The following CCSER1 variants were observed in gnomAD, a reference collection of about 807,000 sequenced individuals.
The protein encoded by CCSER1 is coiled-coil serine rich protein 1, also known as serine-rich coiled-coil domain-containing protein 1.
CCSER1 carries 41 observed loss-of-function variants against 82.0 expected under a neutral mutation model. The observed-to-expected ratio is 0.50, with a 90% CI of 0.39 to 0.65. The LOEUF (loss-of-function observed/expected upper bound fraction) is 0.65. Ranked by LOEUF, CCSER1 falls within the 30% of genes least tolerant of loss-of-function variation. CCSER1 has a pLI of 0.00. For synonymous variants in CCSER1, 414 were observed against 383.9 expected (o/e 1.08, Z -0.92); for missense variants, 1,119 against 1,064.2 (o/e 1.05, Z -0.72).
At chr4:91,333,625 G>A (rs1054842090) in intron 10 of CCSER1, among the ~76,000 whole-genome samples, 1 of 151,930 alleles carries the variant, frequency 6.6e-6, no homozygotes, top group Non-Finnish European at 1.5e-5. Context: ...ACCTCTTCTG[G>A]CTGTAATATA....
At chr4:90,889,009 T>G (rs1193843607) in intron 8 of CCSER1, among the ~76,000 whole-genome samples, 1 of 152,098 alleles carries the variant, frequency 6.6e-6, no homozygotes, top group South Asian at 2.1e-4. Flanking sequence ...TGTCAGATAG[T>G]CCAATTTTAC....
intron 4 of CCSER1, among the ~76,000 whole-genome samples, chr4:90,414,666 G>A (rs1302040170): frequency 1.3e-5 from 2 of 152,028 alleles, no homozygotes; most frequent in Non-Finnish European, 1.5e-5. Context: ...TGTTAGCAGC[G>A]AGGTTCGTTA....
At chr4:90,933,017 A>AG (rs1730324907) in intron 9 of CCSER1, among the ~76,000 whole-genome samples, 2 of 89,020 alleles carry the variant, frequency 2.2e-5, no homozygotes, top group African/African-American at 1.6e-4. Flanking sequence ...AGAAAGAAAG[A>AG]AAGAAAGAAA....
chr4:90,230,393 G>A (rs1179795926), intron 1 of CCSER1, among the ~76,000 whole-genome samples: 3 of 151,942 alleles, frequency 2.0e-5, no homozygotes, highest in East Asian at 3.9e-4. Context: ...ACGAAATGAA[G>A]GCAGAAATAA....
intron 4 of CCSER1, among the ~76,000 whole-genome samples, chr4:90,437,262 T>G (rs1413667106): frequency 6.6e-6 from 1 of 151,004 alleles, no homozygotes; most frequent in Non-Finnish European, 1.5e-5. Flanking sequence ...TACGCACACA[T>G]GCACACATGC....
chr4:91,550,556 C>T (rs960918186), intron 10 of CCSER1, among the ~76,000 whole-genome samples: 1 of 152,060 alleles, frequency 6.6e-6, no homozygotes, highest in Non-Finnish European at 1.5e-5. Flanking sequence ...TTCAGCTTTT[C>T]GTTTATTGTT....
intron 1 of CCSER1, among the ~76,000 whole-genome samples, chr4:90,248,439 A>C (rs952122927): frequency 6.6e-6 from 1 of 152,146 alleles, no homozygotes; most frequent in Admixed American, 6.6e-5. Flanking sequence ...GTCCTGTACT[A>C]CAGACCCTGC....
At position 90,856,079 on chromosome 4, in the gene CCSER1, A is replaced by AATAATGT. The variant is rs1211883546; in HGVS notation, c.2094+40237_2094+40238insATGTATA. Among the ~76,000 whole-genome samples the AATAATGT allele has an allele frequency of 7.2e-5, 11 of 152,264 alleles. No homozygotes were observed. In the South Asian group the frequency reaches 2.3e-3, roughly 32 times the overall value. On this transcript the variant is annotated intron_variant, in intron 8 of 10. Coordinates refer to ENST00000509176, the MANE Select transcript of CCSER1 (RefSeq NM_001145065.2). ...AAATTAAATTACATAACCTATGCAA[A>AATAATGT]ATATTAATTTAATACACATTCAACT...
intron 7 of CCSER1, among the ~76,000 whole-genome samples, chr4:90,791,466 C>T (rs1755224170): frequency 6.6e-6 from 1 of 152,192 alleles, no homozygotes; most frequent in Non-Finnish European, 1.5e-5. Context: ...CAGCCATCAA[C>T]ATTGAGGCAA....
At chr4:90,956,813 C>A (rs1229057973) in intron 9 of CCSER1, among the ~76,000 whole-genome samples, 1 of 150,722 alleles carries the variant, frequency 6.6e-6, no homozygotes, top group Non-Finnish European at 1.5e-5. Context: ...ACTCTGTCAC[C>A]CAGGCTGGAG....
intron 10 of CCSER1, among the ~76,000 whole-genome samples, chr4:91,406,039 A>G (rs1023619844): frequency 3.3e-5 from 5 of 152,310 alleles, no homozygotes; most frequent in Non-Finnish European, 7.4e-5. Context: ...TATCCATACA[A>G]CAAACCTATG....
chr4:91,170,146 A>T (rs534193703), intron 10 of CCSER1, among the ~76,000 whole-genome samples: 2 of 152,360 alleles, frequency 1.3e-5, no homozygotes, highest in East Asian at 3.9e-4. Context: ...TGACATCTTA[A>T]GTCATTACCT....
intron 8 of CCSER1, among the ~76,000 whole-genome samples, chr4:90,824,666 C>T (rs1366904306): frequency 6.6e-6 from 1 of 152,048 alleles, no homozygotes; most frequent in East Asian, 1.9e-4. Context: ...AGTAATTCCC[C>T]ACTTGCTCTA....
intron 10 of CCSER1, among the ~76,000 whole-genome samples, chr4:91,566,121 G>C (rs541285309): frequency 1.3e-5 from 2 of 152,132 alleles, no homozygotes; most frequent in African/African-American, 4.8e-5. Flanking sequence ...TTTTATCAAA[G>C]GCCTTTTCTG....
At chr4:90,665,187 CAG>C (rs1731500617) in intron 6 of CCSER1, among the ~76,000 whole-genome samples, 1 of 151,894 alleles carries the variant, frequency 6.6e-6, no homozygotes, top group South Asian at 2.1e-4. Flanking sequence ...CTTGCTATAA[CAG>C]AAGAGCAGGG....
Position 90,932,956 on chromosome 4 carries a change from A to G in CCSER1, c.2172+9509A>G, listed in dbSNP as rs1172147902. On this transcript the variant is annotated intron_variant, in intron 9 of 10. Coordinates refer to ENST00000509176, the MANE Select transcript of CCSER1 (RefSeq NM_001145065.2). ...AAAGAAAGAAAGAAAGAAAGAAAGA[A>G]AGAAAGAAAGAAAGAAAGAAAGAAA... 3.4e-4 allele frequency among the ~76,000 whole-genome samples: 15 copies of G among 44,118 alleles called. 1 individual carries two copies. Among genetic ancestry groups the G allele is most frequent in the South Asian group, 2.9e-3 (5 of 1,718 alleles). 28.9% of individuals were successfully genotyped at this position (44,118 alleles called of 152,430 possible).
intron 6 of CCSER1, among the ~76,000 whole-genome samples, chr4:90,693,202 G>A (rs1442785306): frequency 6.6e-6 from 1 of 151,806 alleles, no homozygotes; most frequent in Admixed American, 6.6e-5. Context: ...CTAATAGAAG[G>A]CCTTTTACGT....
intron 10 of CCSER1, chr4:91,319,867 T>C: frequency 2.7e-6 from 1 of 365,968 alleles, no homozygotes; most frequent in South Asian, 2.1e-5. Context: ...ATCCACCGTT[T>C]CACTTACTTG....
At chr4:90,915,541 A>G (rs961687922) in intron 8 of CCSER1, among the ~76,000 whole-genome samples, 3 of 152,164 alleles carry the variant, frequency 2.0e-5, no homozygotes, top group Non-Finnish European at 4.4e-5. Context: ...ATCTATGACA[A>G]ACTCACAGCC....
Sources: allele counts gnomAD v4.1 joint callset (sites outside exome capture counted in the v4.1 genomes callset), GRCh38; gene constraint gnomAD v4.1.1; transcripts MANE v1.5; gene names NCBI Gene and HGNC (gene_info 2026-07-23, HGNC 2026-07-21).